The following HEATR6 variants were observed in gnomAD, a reference collection of about 807,000 sequenced individuals.
HEATR6 encodes the protein HEAT repeat-containing protein 6.
A neutral mutation model predicts 132.8 loss-of-function variants in HEATR6; 106 were observed. The ratio of observed to expected loss-of-function variants is 0.80; its 90% CI spans 0.68 to 0.94. The LOEUF (loss-of-function observed/expected upper bound fraction) is 0.94. HEATR6 is among the 40% of genes least tolerant of loss of function. HEATR6 has a pLI of 0.00. For synonymous variants in HEATR6, 529 were observed against 537.8 expected, an observed-to-expected ratio of 0.98 and a Z score of 0.23; for missense variants, 1,339 against 1,425.1, an observed-to-expected ratio of 0.94 and a Z score of 0.97.
Position 60,041,320 on chromosome 17 carries a change from A to C in HEATR6, c.*2243T>G, listed in dbSNP as rs985968799. On this transcript the variant is annotated 3_prime_UTR_variant, in exon 20 of 20. Coordinates refer to ENST00000184956, the MANE Select transcript of HEATR6 (RefSeq NM_022070.5). Reference sequence around the variant, plus strand: ...AAGAAAATGAATGGGATTTTATTCAAGATAAGGAAAGGATAAGAGTGAATC... The same window carrying C: ...AAGAAAATGAATGGGATTTTATTCACGATAAGGAAAGGATAAGAGTGAATC... Among the ~76,000 whole-genome samples, 1 of 152,260 alleles carries C rather than the reference A, an allele frequency of 6.6e-6. No homozygotes were observed. The highest frequency in any genetic ancestry group is 1.5e-5 in the Non-Finnish European group (1 of 68,048).
Position 60,067,482 on chromosome 17 carries a change from C to T in HEATR6, c.1190G>A (p.Ser397Asn), listed in dbSNP as rs771372625. ...SSSSWKRVSS[S>N]ESDFSDAEGG... ...TTCAGCATCAGAAAAGTCTGACTCA[C>T]TACTGCTGACCCTTTTCCAACTGGA... is the stretch of plus-strand genomic sequence containing the variant. The change falls in exon 8 of 20, where the codon AGT becomes AAT. Residue 397 changes from serine to asparagine, a missense_variant. By Grantham distance (46) the Ser-to-Asn change is conservative. Coordinates refer to ENST00000184956, the MANE Select transcript of HEATR6 (RefSeq NM_022070.5). 1 of 1,592,858 alleles carries T rather than the reference C, an allele frequency of 6.3e-7. No homozygotes were observed. Among genetic ancestry groups the T allele is most frequent in the African/African-American group, 1.4e-5 (1 of 73,752 alleles).
rs1336518650 is a variant in HEATR6 at position 60,078,793 on chromosome 17, C to A, written c.122G>T (p.Arg41Leu). The part of the protein sequence containing the change: ...RLLSARLCAL[R>L]PDDSSSARTE... ...GCGGGCGGAGCTGCTGTCATCCGGGCGCAGGGCGCAGAGCCTGGCAGACAA... is the reference window on the plus strand; with the variant it reads ...GCGGGCGGAGCTGCTGTCATCCGGGAGCAGGGCGCAGAGCCTGGCAGACAA... Residue 41 changes from arginine to leucine, a missense_variant, in exon 1 of 20, where the codon CGC (arginine) becomes CTC (leucine). By Grantham distance (102) the Arg-to-Leu change is moderately radical. Coordinates refer to ENST00000184956, the MANE Select transcript of HEATR6 (RefSeq NM_022070.5). 3 of 1,592,892 alleles carry A rather than the reference C, an allele frequency of 1.9e-6. No homozygotes were observed. Among genetic ancestry groups the A allele is most frequent in the Non-Finnish European group, 1.7e-6 (2 of 1,170,644 alleles).
chr17:60,069,834 G>C lies in HEATR6; in HGVS notation c.816C>G (p.His272Gln). Residue 272 changes from histidine to glutamine, a missense_variant, in exon 7 of 20, where the codon CAC becomes CAG. Physicochemically the swap from His to Gln is conservative, Grantham distance 24. Coordinates refer to ENST00000184956, the MANE Select transcript of HEATR6 (RefSeq NM_022070.5). ...TCTCTATGTTTAGTCCAGGGAGTCC[G>C]TGAAACATGAATTTCTAATAATGAT... ...LLAVLKKFMF[H>Q]GLPGLNIEMP... 1 of 1,613,602 alleles carries C rather than the reference G, an allele frequency of 6.2e-7. No individual in the cohort carries two copies. Among genetic ancestry groups the C allele is most frequent in the Non-Finnish European group, 8.5e-7 (1 of 1,179,896 alleles).
intron 7 of HEATR6, among the ~76,000 whole-genome samples, chr17:60,068,803 C>T (rs1012986181): frequency 6.6e-6 from 1 of 152,122 alleles, no homozygotes; most frequent in Non-Finnish European, 1.5e-5. Context: ...GCCTCCTCTT[C>T]CCCCTCCATT....
At chr17:60,056,959 G>T in intron 12 of HEATR6, 89 bp downstream of exon 12, 1 of 849,552 alleles carries the variant, frequency 1.2e-6, no homozygotes, top group Non-Finnish European at 1.8e-6. Flanking sequence ...ATTGACATAT[G>T]GCTTGGTTTT....
intron 19 of HEATR6, 52 bp downstream of exon 19, chr17:60,045,973 G>T: frequency 7.9e-7 from 1 of 1,260,168 alleles, no homozygotes; most frequent in Non-Finnish European, 1.2e-6. Context: ...AACGTAGATT[G>T]GTGTGTGTCC....
At chr17:60,067,394 T>C (rs771157525) in intron 8 of HEATR6, 40 bp downstream of exon 8, 24 of 1,413,472 alleles carry the variant, frequency 1.7e-5, no homozygotes, top group Non-Finnish European at 2.1e-5. Flanking sequence ...TACATGCAAC[T>C]TAGAATACAA....
In HEATR6 at chr17:60,050,835, C is replaced by G; in HGVS notation, c.2424+8G>C. 6.2e-7 allele frequency: 1 copy of G among 1,614,088 alleles called. No homozygotes were observed. The highest frequency in any genetic ancestry group is 8.5e-7 in the Non-Finnish European group (1 of 1,179,988). Reference sequence around the variant, plus strand: ...TGATTTAAGGGTGAGAAAACACCCTCACATTACCGGCAGATTGCTGAAGGC... The same window carrying G: ...TGATTTAAGGGTGAGAAAACACCCTGACATTACCGGCAGATTGCTGAAGGC... On this transcript the variant is annotated splice_region_variant and intron_variant, in intron 15 of 19. Coordinates refer to ENST00000184956, the MANE Select transcript of HEATR6 (RefSeq NM_022070.5).
intron 14 of HEATR6, among the ~76,000 whole-genome samples, chr17:60,055,311 T>C (rs1430624594): frequency 6.6e-6 from 1 of 152,196 alleles, no homozygotes; most frequent in Admixed American, 6.5e-5. Flanking sequence ...ATGTTATACA[T>C]AAGCCTACCA....
At chr17:60,058,313 T>G (rs2145189767) in intron 11 of HEATR6, among the ~76,000 whole-genome samples, 1 of 152,290 alleles carries the variant, frequency 6.6e-6, no homozygotes, top group South Asian at 2.1e-4. Context: ...TTCATATAGA[T>G]CTTGTACATA....
chr17:60,048,106 AT>A (rs1463318602), intron 17 of HEATR6, among the ~76,000 whole-genome samples, 157 bp downstream of exon 17: 2 of 152,196 alleles, frequency 1.3e-5, no homozygotes, highest in African/African-American at 4.8e-5. Flanking sequence ...CAGTTTATTA[AT>A]TTTATTTTCT....
chr17:60,067,799 A>T, intron 7 of HEATR6, 67 bp from the exon 8 acceptor site: 1 of 1,289,676 alleles, frequency 7.8e-7, no homozygotes. Flanking sequence ...CTGAATCGTT[A>T]CTTCTTCATT....
In HEATR6 at chr17:60,043,180, G is replaced by C. The variant is rs1315605875; in HGVS notation, c.*383C>G. 1 of 251,178 alleles carries C rather than the reference G, an allele frequency of 4.0e-6. No homozygotes were observed. The highest frequency in any genetic ancestry group is 1.2e-4 in the East Asian group (1 of 8,396). 15.6% of individuals were successfully genotyped at this position (251,178 alleles called of 1,614,324 possible). ...GAAATACAACTTGGTAACAACAGGA[G>C]ATTGTGGACACACTATTTTTCGTTA... is the stretch of plus-strand genomic sequence containing the variant. On this transcript the variant is annotated 3_prime_UTR_variant, in exon 20 of 20. Transcript: ENST00000184956.
rs765863341 is a variant in HEATR6 at position 60,047,421 on chromosome 17, C to G, written c.2673-16G>C. 7 of 1,509,470 alleles carry G rather than the reference C, an allele frequency of 4.6e-6. No homozygotes were observed. In the South Asian group the frequency reaches 8.0e-5, roughly 17 times the overall value. 93.5% of individuals were successfully genotyped at this position (1,509,470 alleles called of 1,614,324 possible). A position where few individuals can be genotyped will look rare whatever the true frequency, so the allele number is the denominator to read the frequency against. ...TGGTGTTTCCCTGTTCCACCCAAAG[C>G]AGACAACACATGTTAAAAGGTAAAT... On this transcript the variant is annotated splice_polypyrimidine_tract_variant and intron_variant, in intron 17 of 19. Coordinates refer to ENST00000184956, the MANE Select transcript of HEATR6 (RefSeq NM_022070.5).
intron 19 of HEATR6, 104 bp downstream of exon 19, chr17:60,045,921 T>G: frequency 3.4e-6 from 3 of 875,554 alleles, no homozygotes; most frequent in Non-Finnish European, 5.4e-6. Flanking sequence ...CATTTTTTCC[T>G]AATACTATGA....
chr17:60,058,384 T>C (rs960124439), intron 11 of HEATR6, among the ~76,000 whole-genome samples: 5 of 152,204 alleles, frequency 3.3e-5, no homozygotes, highest in Non-Finnish European at 5.9e-5. Flanking sequence ...AAAAAGTTAC[T>C]TGAGGATAAA....
intron 16 of HEATR6, among the ~76,000 whole-genome samples, chr17:60,048,985 T>C (rs1319444421): frequency 1.7e-3 from 64 of 36,758 alleles, no homozygotes; most frequent in African/African-American, 5.5e-3. Context: ...ATATATATAA[T>C]ATATATATAT....
intron 9 of HEATR6, among the ~76,000 whole-genome samples, chr17:60,065,701 T>C (rs2083237065): frequency 6.6e-6 from 1 of 152,222 alleles, no homozygotes; most frequent in Admixed American, 6.5e-5. Context: ...ACACATGATT[T>C]GAAAACTAGA....
chr17:60,057,826 T>C (rs757952313), intron 11 of HEATR6, among the ~76,000 whole-genome samples: 2 of 152,224 alleles, frequency 1.3e-5, no homozygotes, highest in Non-Finnish European at 2.9e-5. Context: ...AAAAGGTCTG[T>C]GTCTAGACTC....
Sources: allele counts gnomAD v4.1 joint callset (sites outside exome capture counted in the v4.1 genomes callset), GRCh38; gene constraint gnomAD v4.1.1; transcripts MANE v1.5; gene names NCBI Gene and HGNC (gene_info 2026-07-23, HGNC 2026-07-21).